The following ALX4 variants were observed in gnomAD, a reference collection of about 807,000 sequenced individuals.
ALX4 encodes the protein homeobox protein aristaless-like 4.
ALX4 carries 22 observed loss-of-function variants against 40.6 expected under a neutral mutation model. That is an observed-to-expected ratio of 0.54 (90% CI 0.39 to 0.77). The LOEUF is 0.77. Ranked by LOEUF, ALX4 falls within the 30% of genes least tolerant of loss-of-function variation. ALX4 has a pLI of 0.00. For synonymous variants in ALX4, 266 were observed against 240.5 expected (o/e 1.11, Z -0.98); for missense variants, 556 against 564.8 (o/e 0.98, Z 0.16).
At position 44,309,727 on chromosome 11, in the gene ALX4, C is replaced by T; in HGVS notation, c.336G>A (p.Pro112=). The T allele has an allele frequency of 6.4e-7, 1 of 1,561,508 alleles. No homozygotes were observed. The highest frequency in any genetic ancestry group is 8.7e-7 in the Non-Finnish European group (1 of 1,154,458). Reference sequence around the variant, plus strand: ...GCGGTTGCGCGGGCGGCTGGGGCTGCGGCTGCTGCTGCTGCGGCTGCGGCT... The same window carrying T: ...GCGGTTGCGCGGGCGGCTGGGGCTGTGGCTGCTGCTGCTGCGGCTGCGGCT... The part of the protein sequence containing the change: ...PPQPQPQQQQ[P]QPQPPAQPHL... Residue 112 remains proline, a synonymous_variant, in exon 1 of 4, where the codon CCG becomes CCA. Coordinates refer to ENST00000652299, the MANE Select transcript of ALX4 (RefSeq NM_021926.4).
At chr11:44,303,712 C>CT (rs1301334277) in intron 1 of ALX4, among the ~76,000 whole-genome samples, 1 of 152,202 alleles carries the variant, frequency 6.6e-6, no homozygotes, top group East Asian at 1.9e-4. Context: ...ACAGAACGTG[C>CT]TGGGGGTGGG....
In ALX4 at chr11:44,275,423, C is replaced by G; in HGVS notation, c.702G>C (p.Gln234His). ...YQLEELEKVF[Q>H]KTHYPDVYAR... ...CATACACGTCTGGGTAGTGGGTCTT[C>G]TGGAAGACCTTCTCCAGCTCCTCCA... Residue 234 changes from glutamine (Q) to histidine (H), a missense_variant, in exon 2 of 4, where the codon CAG becomes CAC. By Grantham distance (24) the Gln-to-His change is conservative (BLOSUM62 0). Coordinates refer to ENST00000652299, the MANE Select transcript of ALX4 (RefSeq NM_021926.4). The G allele has an allele frequency of 6.2e-7, 1 of 1,614,222 alleles. No homozygotes were observed. Among genetic ancestry groups the G allele is most frequent in the Non-Finnish European group, 8.5e-7 (1 of 1,180,040 alleles).
intron 1 of ALX4, among the ~76,000 whole-genome samples, chr11:44,289,184 G>C (rs1354047449): frequency 6.6e-6 from 1 of 152,192 alleles, no homozygotes; most frequent in African/African-American, 2.4e-5. Flanking sequence ...CTCTGCAATG[G>C]AGTGGCTCTT....
intron 2 of ALX4, among the ~76,000 whole-genome samples, chr11:44,273,866 T>G (rs1956262698): frequency 6.6e-6 from 1 of 151,998 alleles, no homozygotes; most frequent in Non-Finnish European, 1.5e-5. Flanking sequence ...GGCGGGAGGA[T>G]CCATTGAGCC....
chr11:44,268,291 A>G (rs1435315912), intron 2 of ALX4, among the ~76,000 whole-genome samples: 1 of 152,216 alleles, frequency 6.6e-6, no homozygotes, highest in Non-Finnish European at 1.5e-5. Flanking sequence ...AGAAACAGCA[A>G]GGCATACTCC....
chr11:44,304,850 T>C (rs1172330188), intron 1 of ALX4, among the ~76,000 whole-genome samples: 2 of 152,196 alleles, frequency 1.3e-5, no homozygotes, highest in Non-Finnish European at 2.9e-5. Flanking sequence ...GTTTTCCTAC[T>C]GCGTGCCGGC....
chr11:44,310,054 A>T lies in ALX4; in HGVS notation c.9T>A (p.Ala3=). 1 of 1,594,942 alleles carries T rather than the reference A, an allele frequency of 6.3e-7. No individual in the cohort carries two copies. The highest frequency in any genetic ancestry group is 8.5e-7 in the Non-Finnish European group (1 of 1,170,582). MN[A]ETCVSYCESP... ...ACTCGCAGTAAGAGACGCAAGTCTCAGCATTCATGCCTGGCTTGCGCAGGC... is the reference window on the plus strand; with the variant it reads ...ACTCGCAGTAAGAGACGCAAGTCTCTGCATTCATGCCTGGCTTGCGCAGGC... The change falls in exon 1 of 4, where the codon GCT becomes GCA. Residue 3 remains alanine, a synonymous_variant. Coordinates refer to ENST00000652299, the MANE Select transcript of ALX4 (RefSeq NM_021926.4).
intron 1 of ALX4, among the ~76,000 whole-genome samples, chr11:44,299,354 G>GTTTTTT (rs772070484): frequency 6.2e-5 from 7 of 113,076 alleles, no homozygotes; most frequent in East Asian, 5.9e-4. Context: ...GGGGGCCATG[G>GTTTTTT]TTTTTTTTTT....
At position 44,294,009 on chromosome 11, in the gene ALX4, AC is replaced by A. The variant is rs201171162; in HGVS notation, c.466+15587del. On this transcript the variant is annotated intron_variant, in intron 1 of 3. Coordinates refer to ENST00000652299, the MANE Select transcript of ALX4 (RefSeq NM_021926.4). ...GTGTGCTGAAAACCCCTCCCAGTGCACCCCCTCCACCGTCTACAGAGCTCTC... is the reference window on the plus strand; with the variant it reads ...GTGTGCTGAAAACCCCTCCCAGTGCACCCCTCCACCGTCTACAGAGCTCTC... 1.0e-2 allele frequency among the ~76,000 whole-genome samples: 1,508 copies of A among 151,544 alleles called. 23 individuals carry two copies. The highest frequency in any genetic ancestry group is 0.034 in the African/African-American group (1,418 of 41,248).
chr11:44,273,569 A>G (rs1956261043), intron 2 of ALX4, among the ~76,000 whole-genome samples: 1 of 152,250 alleles, frequency 6.6e-6, no homozygotes, highest in African/African-American at 2.4e-5. Context: ...AGTGATGAAC[A>G]ATCAGTGCTT....
rs933051129 is a variant in ALX4 at position 44,261,856 on chromosome 11, C to T, written c.*2998G>A. 6.6e-6 allele frequency: 1 copy of T among 152,300 alleles called. No homozygotes were observed. Among genetic ancestry groups the T allele is most frequent in the Non-Finnish European group, 1.5e-5 (1 of 68,056 alleles). 9.4% of individuals were successfully genotyped at this position (152,300 alleles called of 1,614,324 possible). A position where few individuals can be genotyped will look rare whatever the true frequency, so the allele number is the denominator to read the frequency against. On this transcript the variant is annotated 3_prime_UTR_variant, in exon 4 of 4. Coordinates refer to ENST00000652299, the MANE Select transcript of ALX4 (RefSeq NM_021926.4). ...TGAACCACGTGGCAGGTAGATGCTT[C>T]TCTCCACCTGCCTTCATGAGCTTTA...
At chr11:44,309,005 C>A (rs1416422461) in intron 1 of ALX4, among the ~76,000 whole-genome samples, 2 of 152,250 alleles carry the variant, frequency 1.3e-5, no homozygotes, top group Admixed American at 6.5e-5. Flanking sequence ...CACTGTGTTG[C>A]GCCAGTGCGC....
At chr11:44,269,281 C>T (rs1956231419) in intron 2 of ALX4, among the ~76,000 whole-genome samples, 1 of 152,244 alleles carries the variant, frequency 6.6e-6, no homozygotes, top group South Asian at 2.1e-4. Context: ...ATAGTCGCAG[C>T]AGGGGAGATA....
At chr11:44,300,415 G>A (rs1162684921) in intron 1 of ALX4, among the ~76,000 whole-genome samples, 1 of 152,180 alleles carries the variant, frequency 6.6e-6, no homozygotes, top group Non-Finnish European at 1.5e-5. Context: ...TCTCCATGCT[G>A]GGATGTGAGC....
intron 1 of ALX4, among the ~76,000 whole-genome samples, chr11:44,284,932 C>T (rs1323459330): frequency 6.6e-6 from 1 of 151,606 alleles, no homozygotes; most frequent in African/African-American, 2.4e-5. Context: ...CACACACACA[C>T]AAACACACAC....
chr11:44,292,049 C>T (rs182115813), intron 1 of ALX4, among the ~76,000 whole-genome samples: 2,625 of 151,258 alleles, frequency 0.017, 48 homozygotes, highest in Middle Eastern at 0.035. Flanking sequence ...GAACTCCTGA[C>T]CTCGAGATCC....
At chr11:44,292,881 A>G (rs959238287) in intron 1 of ALX4, among the ~76,000 whole-genome samples, 3 of 152,032 alleles carry the variant, frequency 2.0e-5, no homozygotes, top group Non-Finnish European at 4.4e-5. Flanking sequence ...AGACTGCCTG[A>G]GCTCAGGAGT....
chr11:44,271,470 T>C (rs1315482966), intron 2 of ALX4, among the ~76,000 whole-genome samples: 1 of 152,186 alleles, frequency 6.6e-6, no homozygotes, highest in African/African-American at 2.4e-5. Flanking sequence ...AGTTCTGTGG[T>C]CCTCCCACTA....
rs552179574 is a variant in ALX4 at position 44,307,130 on chromosome 11, C to A, written c.466+2467G>T. On this transcript the variant is annotated intron_variant, in intron 1 of 3. Coordinates refer to ENST00000652299, the MANE Select transcript of ALX4 (RefSeq NM_021926.4). Reference sequence around the variant, plus strand: ...GAATTGGGTGCTCTCGAGTTCCCAGCGGCTCGGAGATAGATAGGGATGGAA... The same window carrying A: ...GAATTGGGTGCTCTCGAGTTCCCAGAGGCTCGGAGATAGATAGGGATGGAA... Among the ~76,000 whole-genome samples the A allele has an allele frequency of 5.5e-5, 7 of 126,922 alleles. No homozygotes were observed. The South Asian group carries it at 2.0e-3, about 36-fold the overall frequency. The allele number at this position is 126,922 out of a possible 152,430, so 83.3% of individuals were successfully genotyped here.
Sources: allele counts gnomAD v4.1 joint callset (sites outside exome capture counted in the v4.1 genomes callset), GRCh38; gene constraint gnomAD v4.1.1; transcripts MANE v1.5; gene names NCBI Gene and HGNC (gene_info 2026-07-23, HGNC 2026-07-21).